TGFB2: variants seen among roughly 807,000 people sequenced by gnomAD.
TGFB2 encodes the protein transforming growth factor beta-2 proprotein.
In TGFB2, 13 loss-of-function variants were observed where a neutral mutation model predicts 42.7. The observed-to-expected ratio is 0.30, with a 90% CI of 0.20 to 0.48. The LOEUF is 0.48. TGFB2 is among the 20% of genes least tolerant of loss of function. TGFB2 has a pLI of 0.99. For missense variants in TGFB2, 390 were observed against 517.5 expected (o/e 0.75, Z 2.39); for synonymous variants, 193 against 193.6 (o/e 1.00, Z 0.03).
chr1:218,370,001 T>C (rs1221527444), intron 1 of TGFB2, among the ~76,000 whole-genome samples: 2 of 152,226 alleles, frequency 1.3e-5, no homozygotes, highest in Non-Finnish European at 2.9e-5. Flanking sequence ...CATCCATCTG[T>C]ACAAGAAACA....
chr1:218,406,823 G>A lies in TGFB2; in HGVS notation c.510+1491G>A, dbSNP rs190503194. 4.6e-4 allele frequency among the ~76,000 whole-genome samples: 70 copies of A among 152,224 alleles called. 2 individuals carry two copies. The highest frequency in any genetic ancestry group is 3.9e-3 in the Admixed American group (60 of 15,288). The stretch of plus-strand genomic sequence containing the variant: ...TGGCCCTCCAAAGATAGTGTGTAGA[G>A]TGACACTACAGAGGATTAAGAAAAA... On this transcript the variant is annotated intron_variant, in intron 2 of 6. Transcript: ENST00000366930.
At chr1:218,376,434 T>C (rs1657744129) in intron 1 of TGFB2, among the ~76,000 whole-genome samples, 1 of 152,212 alleles carries the variant, frequency 6.6e-6, no homozygotes, top group South Asian at 2.1e-4. Flanking sequence ...ACCAAGCATA[T>C]ACTGCCTTAA....
rs370307649 is a variant in TGFB2 at position 218,373,957 on chromosome 1, C to T, written c.346+26910C>T. ...ACTGGTATTGGAATTAAGCAGTGGC[C>T]TCTGAGCTTAGCTCATGCATGCTCT... On this transcript the variant is annotated intron_variant, in intron 1 of 6. Coordinates refer to ENST00000366930, the MANE Select transcript of TGFB2 (RefSeq NM_003238.6). Among the ~76,000 whole-genome samples the T allele has an allele frequency of 2.6e-5, 4 of 152,190 alleles. No individual in the cohort carries two copies. The East Asian group carries it at 5.8e-4, about 22-fold the overall frequency.
chr1:218,404,922 G>A (rs1175263524), intron 1 of TGFB2, among the ~76,000 whole-genome samples: 1 of 152,174 alleles, frequency 6.6e-6, no homozygotes, highest in Non-Finnish European at 1.5e-5. Flanking sequence ...GGGGTTAACT[G>A]CATGCTTTCA....
At chr1:218,389,747 T>C (rs1437867744) in intron 1 of TGFB2, among the ~76,000 whole-genome samples, 3 of 152,220 alleles carry the variant, frequency 2.0e-5, no homozygotes, top group Admixed American at 6.5e-5. Context: ...TGAATTAAGG[T>C]ATTCAGATGC....
At chr1:218,351,723 C>A (rs1417059700) in intron 1 of TGFB2, among the ~76,000 whole-genome samples, 2 of 152,132 alleles carry the variant, frequency 1.3e-5, no homozygotes, top group Non-Finnish European at 2.9e-5. Flanking sequence ...GTTGGGGGAG[C>A]CCACTGCGTC....
rs1341545472 is a variant in TGFB2, at chr1:218,441,190, C to T, written c.1087-14C>T. 6.2e-7 allele frequency: 1 copy of T among 1,600,006 alleles called. No homozygotes were observed. Among genetic ancestry groups the T allele is most frequent in the Non-Finnish European group, 8.5e-7 (1 of 1,176,696 alleles). Reference sequence around the variant, plus strand: ...CTTTCCCTATGTTGTCTCTCCTCTCCTGTGTCCTTTCAGGTCCTGAGCTTA... The same window carrying T: ...CTTTCCCTATGTTGTCTCTCCTCTCTTGTGTCCTTTCAGGTCCTGAGCTTA... On this transcript the variant is annotated splice_polypyrimidine_tract_variant and intron_variant, in intron 6 of 6. Transcript: ENST00000366930.
intron 1 of TGFB2, among the ~76,000 whole-genome samples, chr1:218,373,629 G>A (rs575513830): frequency 3.3e-5 from 5 of 152,086 alleles, no homozygotes; most frequent in South Asian, 2.1e-4. Flanking sequence ...GTAACATCAC[G>A]TGTAATTTCC....
At chr1:218,387,271 G>T (rs1352232763) in intron 1 of TGFB2, among the ~76,000 whole-genome samples, 1 of 152,220 alleles carries the variant, frequency 6.6e-6, no homozygotes, top group Middle Eastern at 3.4e-3. Flanking sequence ...ACAGCAGGGT[G>T]CCCATTAAGC....
chr1:218,347,463 G>A (rs1044308992), intron 1 of TGFB2, among the ~76,000 whole-genome samples: 62 of 152,068 alleles, frequency 4.1e-4, no homozygotes, highest in African/African-American at 1.5e-3. Flanking sequence ...ACTGGTGCAC[G>A]AAGGGTTAAA....
chr1:218,363,918 T>C (rs528590885), intron 1 of TGFB2, among the ~76,000 whole-genome samples: 8 of 152,256 alleles, frequency 5.3e-5, no homozygotes, highest in Non-Finnish European at 8.8e-5. Context: ...ACCCTCGGCC[T>C]GCATGCAGTC....
At chr1:218,360,650 A>G (rs543549950) in intron 1 of TGFB2, among the ~76,000 whole-genome samples, 6 of 152,302 alleles carry the variant, frequency 3.9e-5, no homozygotes, top group South Asian at 2.1e-4. Flanking sequence ...CATCCTGCAC[A>G]TGTATCCCGG....
chr1:218,430,581 T>A (rs1380618282), intron 2 of TGFB2, among the ~76,000 whole-genome samples: 2 of 152,172 alleles, frequency 1.3e-5, no homozygotes. Flanking sequence ...CTGTATAAAC[T>A]TTTGAATGTA....
intron 1 of TGFB2, among the ~76,000 whole-genome samples, chr1:218,394,208 C>T (rs549775488): frequency 8.5e-5 from 13 of 152,310 alleles, no homozygotes; most frequent in African/African-American, 1.9e-4. Context: ...CGCACCCGGC[C>T]GGCATTGGCC....
intron 2 of TGFB2, among the ~76,000 whole-genome samples, chr1:218,413,781 G>C (rs570932219): frequency 2.0e-5 from 3 of 152,296 alleles, no homozygotes; most frequent in African/African-American, 7.2e-5. Context: ...CATTGCATTT[G>C]CATTTAAACA....
At chr1:218,389,694 C>T (rs7536600) in intron 1 of TGFB2, among the ~76,000 whole-genome samples, 22,916 of 152,170 alleles carry the variant, frequency 0.15, 2,978 homozygotes, top group African/African-American at 0.35. Flanking sequence ...AAGGAACATA[C>T]GTTCTTTATT....
intron 1 of TGFB2, among the ~76,000 whole-genome samples, chr1:218,403,793 T>C (rs1462171338): frequency 6.6e-6 from 1 of 152,126 alleles, no homozygotes; most frequent in African/African-American, 2.4e-5. Context: ...TGAATGATTA[T>C]TTGTAATGAA....
At chr1:218,429,038 T>C (rs1659720776) in intron 2 of TGFB2, among the ~76,000 whole-genome samples, 1 of 145,552 alleles carries the variant, frequency 6.9e-6, no homozygotes, top group Non-Finnish European at 1.5e-5. Flanking sequence ...TGGAGTGCAG[T>C]GGCACGATCT....
chr1:218,360,889 G>A (rs188264592), intron 1 of TGFB2, among the ~76,000 whole-genome samples: 120 of 152,220 alleles, frequency 7.9e-4, no homozygotes, highest in South Asian at 5.4e-3. Flanking sequence ...GAGTCTCACT[G>A]TGTCACCCAG....
Sources: gnomAD v4.1 joint callset for allele counts (sites outside exome capture counted in the v4.1 genomes callset) on GRCh38, gnomAD v4.1.1 for gene constraint, MANE v1.5 for transcripts, NCBI Gene and HGNC (gene_info 2026-07-23, HGNC 2026-07-21) for gene names.